Variants in LUZP2 observed in about 807,000 individuals in gnomAD.
LUZP2 encodes leucine zipper protein 2.
In LUZP2, 52 loss-of-function variants were observed where a neutral mutation model predicts 51.6. The ratio of observed to expected loss-of-function variants is 1.01; its 90% CI spans 0.81 to 1.27. The LOEUF (loss-of-function observed/expected upper bound fraction) is 1.27, where lower values mean the gene tolerates loss of function less well. Ranked by LOEUF, LUZP2 falls within the 50% of genes most tolerant of loss-of-function variation. LUZP2 has a pLI of 0.00. For missense variants in LUZP2, 436 were observed against 395.4 expected, an observed-to-expected ratio of 1.10 and a Z score of -0.87; for synonymous variants, 154 against 137.3, an observed-to-expected ratio of 1.12 and a Z score of -0.85.
At position 24,634,429 on chromosome 11, in the gene LUZP2, G is replaced by A. The variant is rs138059175; in HGVS notation, c.63-94740G>A. Among the ~76,000 whole-genome samples, 471 of 152,072 alleles carry A rather than the reference G, an allele frequency of 3.1e-3. 2 individuals are homozygous for A. The highest frequency in any genetic ancestry group is 4.6e-3 in the Non-Finnish European group (312 of 67,962). On this transcript the variant is annotated intron_variant, in intron 1 of 11. Coordinates refer to ENST00000336930, the MANE Select transcript of LUZP2 (RefSeq NM_001009909.4). ...CACATAGTTTATTTTCATTGAGGTA[G>A]TGGCTAAAAATTACATATCAGAAGA... is the stretch of plus-strand genomic sequence containing the variant.
At chr11:24,538,999 CACTT>C (rs1407941527) in intron 1 of LUZP2, among the ~76,000 whole-genome samples, 2 of 151,794 alleles carry the variant, frequency 1.3e-5, no homozygotes, top group African/African-American at 4.8e-5. Flanking sequence ...TATAGACAGG[CACTT>C]ACCCACAATA....
At chr11:24,687,739 A>G (rs1468295634) in intron 1 of LUZP2, among the ~76,000 whole-genome samples, 7 of 152,182 alleles carry the variant, frequency 4.6e-5, no homozygotes, top group African/African-American at 7.2e-5. Flanking sequence ...GCTCAGGCAT[A>G]ACTGAAACTC....
intron 5 of LUZP2, among the ~76,000 whole-genome samples, chr11:24,796,169 G>A (rs942339209): frequency 2.0e-5 from 3 of 151,918 alleles, no homozygotes; most frequent in Non-Finnish European, 2.9e-5. Context: ...AACACGCAGG[G>A]GTATACGTTT....
chr11:25,058,979 C>T (rs1022237289), intron 10 of LUZP2, among the ~76,000 whole-genome samples: 1 of 152,100 alleles, frequency 6.6e-6, no homozygotes, highest in Admixed American at 6.6e-5. Flanking sequence ...GCATGGTACT[C>T]GATTTACTTT....
chr11:24,767,173 G>T (rs1473423687), intron 5 of LUZP2, among the ~76,000 whole-genome samples: 1 of 152,060 alleles, frequency 6.6e-6, no homozygotes, highest in Non-Finnish European at 1.5e-5. Flanking sequence ...TCTATTTTTA[G>T]TGTGTAATTT....
chr11:24,850,539 AG>A (rs1219620609), intron 5 of LUZP2, among the ~76,000 whole-genome samples: 1 of 144,440 alleles, frequency 6.9e-6, no homozygotes, highest in Non-Finnish European at 1.5e-5. Context: ...TAGTACACTT[AG>A]AAGTCAGGTA....
chr11:24,633,001 G>C (rs1854946871), intron 1 of LUZP2, among the ~76,000 whole-genome samples: 2 of 151,942 alleles, frequency 1.3e-5, no homozygotes, highest in East Asian at 1.9e-4. Context: ...AGGAAAGATG[G>C]GGTCTTGAAG....
chr11:24,834,318 T>C (rs900614552), intron 5 of LUZP2, among the ~76,000 whole-genome samples: 3 of 152,144 alleles, frequency 2.0e-5, no homozygotes, highest in African/African-American at 7.2e-5. Context: ...ATTTTTCAAT[T>C]CCCACTTGTG....
chr11:24,926,220 T>C (rs1259414239), intron 7 of LUZP2, among the ~76,000 whole-genome samples: 3 of 148,686 alleles, frequency 2.0e-5, no homozygotes, highest in Admixed American at 6.8e-5. Context: ...TATATATATA[T>C]ACGTGTATAT....
In LUZP2 at chr11:24,519,568, C is replaced by T. The variant is rs572237950; in HGVS notation, c.62+22263C>T. Among the ~76,000 whole-genome samples, 4 of 152,268 alleles carry T rather than the reference C, an allele frequency of 2.6e-5. No individual in the cohort carries two copies. In the East Asian group the frequency reaches 7.7e-4, roughly 29 times the overall value. On this transcript the variant is annotated intron_variant, in intron 1 of 11. Coordinates refer to ENST00000336930, the MANE Select transcript of LUZP2 (RefSeq NM_001009909.4). ...AGACCTACTATGTCTTCCTCCAAAACTATCTTAGTGAAAAGTCCTTGGGAA... is the reference window on the plus strand; with the variant it reads ...AGACCTACTATGTCTTCCTCCAAAATTATCTTAGTGAAAAGTCCTTGGGAA...
At position 24,611,433 on chromosome 11, in the gene LUZP2, A is replaced by G. The variant is rs1245429209; in HGVS notation, c.62+114128A>G. ...TATATAAGATATATTTTGCACACTA[A>G]TAAAAGCATAAATATTCATGTTGCA... On this transcript the variant is annotated intron_variant, in intron 1 of 11. Coordinates refer to ENST00000336930, the MANE Select transcript of LUZP2 (RefSeq NM_001009909.4). This position sits in a 1 kb window ranked among gnomAD's most constrained non-coding sequence, Gnocchi z 4.6. Among the ~76,000 whole-genome samples, 2 of 152,212 alleles carry G rather than the reference A, an allele frequency of 1.3e-5. No individual in the cohort carries two copies. Among genetic ancestry groups the G allele is most frequent in the African/African-American group, 4.8e-5 (2 of 41,458 alleles).
intron 1 of LUZP2, among the ~76,000 whole-genome samples, chr11:24,718,157 T>A (rs1459541284): frequency 6.6e-6 from 1 of 152,036 alleles, no homozygotes; most frequent in Non-Finnish European, 1.5e-5. Context: ...AGTGAGCGGG[T>A]TGTGTGGCCG....
At chr11:24,634,405 A>G (rs1366560211) in intron 1 of LUZP2, among the ~76,000 whole-genome samples, 1 of 152,032 alleles carries the variant, frequency 6.6e-6, no homozygotes, top group Non-Finnish European at 1.5e-5. Context: ...GAATTGGTCC[A>G]CATAGTTTAT....
chr11:24,983,384 A>T (rs2133915009), intron 9 of LUZP2, 91 bp downstream of exon 9: 1 of 1,267,002 alleles, frequency 7.9e-7, no homozygotes, highest in South Asian at 1.4e-5. Context: ...AGTGGATTCA[A>T]GTATGATAAC....
At chr11:24,909,629 TAATA>T (rs1269127629) in intron 6 of LUZP2, among the ~76,000 whole-genome samples, 1 of 152,208 alleles carries the variant, frequency 6.6e-6, no homozygotes, top group African/African-American at 2.4e-5. Flanking sequence ...GTGAGAGATT[TAATA>T]AATTATTGTT....
chr11:24,842,639 T>G (rs1851072351), intron 5 of LUZP2, among the ~76,000 whole-genome samples: 1 of 152,056 alleles, frequency 6.6e-6, no homozygotes, highest in African/African-American at 2.4e-5. Context: ...TATTTCTTTT[T>G]CTTTTGGCTT....
At chr11:25,009,433 T>C (rs11028344) in intron 9 of LUZP2, among the ~76,000 whole-genome samples, 60,304 of 151,934 alleles carry the variant, frequency 0.4, 14,456 homozygotes, top group East Asian at 0.78. Context: ...ATCTAATCAA[T>C]GTGTAATAAA....
intron 1 of LUZP2, among the ~76,000 whole-genome samples, chr11:24,603,837 T>G (rs936825782): frequency 6.6e-6 from 1 of 151,796 alleles, no homozygotes; most frequent in African/African-American, 2.4e-5. Flanking sequence ...AAGAAAAAGA[T>G]ACAGGAATAC....
intron 1 of LUZP2, among the ~76,000 whole-genome samples, chr11:24,725,773 A>G (rs993447085): frequency 2.6e-5 from 4 of 152,190 alleles, no homozygotes; most frequent in African/African-American, 9.7e-5. Context: ...CATTAGATGT[A>G]ACTTCATTTG....
Sources: gnomAD v4.1 joint callset for allele counts (sites outside exome capture counted in the v4.1 genomes callset) on GRCh38, gnomAD v4.1.1 for gene constraint, Gnocchi (gnomAD v3.1) non-coding constraint, MANE v1.5 for transcripts, NCBI Gene and HGNC (gene_info 2026-07-23, HGNC 2026-07-21) for gene names.